Variants in ZHX2 observed in about 807,000 individuals in gnomAD.
ZHX2 encodes zinc fingers and homeoboxes 2.
A neutral mutation model predicts 21.9 loss-of-function variants in ZHX2; 6 were observed. That is an observed-to-expected ratio of 0.27 (90% CI 0.15 to 0.54). The LOEUF (loss-of-function observed/expected upper bound fraction) is 0.54, where lower values mean the gene tolerates loss of function less well. ZHX2 is among the 20% of genes least tolerant of loss of function. The probability of loss-of-function intolerance (pLI) is 0.95; values close to 1 mark genes in which losing one functional copy is unlikely to be tolerated. For synonymous variants in ZHX2, 434 were observed against 437.1 expected, an observed-to-expected ratio of 0.99 and a Z score of 0.09; for missense variants, 908 against 1,090.7, an observed-to-expected ratio of 0.83 and a Z score of 2.36.
chr8:122,835,736 A>C (rs1436775153), intron 1 of ZHX2, among the ~76,000 whole-genome samples: 1 of 152,200 alleles, frequency 6.6e-6, no homozygotes, highest in Non-Finnish European at 1.5e-5. Context: ...AACAGGTAAG[A>C]AAGAATTGCA....
At chr8:122,861,567 G>A (rs531456420) in intron 1 of ZHX2, among the ~76,000 whole-genome samples, 36 of 152,244 alleles carry the variant, frequency 2.4e-4, no homozygotes, top group East Asian at 5.8e-4. Context: ...TGGAGCAAGA[G>A]CATATGGAGT....
chr8:122,869,413 C>T (rs772322216), intron 2 of ZHX2, among the ~76,000 whole-genome samples: 5 of 152,008 alleles, frequency 3.3e-5, no homozygotes, highest in African/African-American at 7.2e-5. Flanking sequence ...CTGCAACCTC[C>T]GCCTCCTGGA....
chr8:122,952,750 G>T lies in ZHX2; in HGVS notation c.1240G>T (p.Ala414Ser). 6.2e-7 allele frequency: 1 copy of T among 1,614,066 alleles called. No individual in the cohort carries two copies. The highest frequency in any genetic ancestry group is 8.5e-7 in the Non-Finnish European group (1 of 1,180,008). The change falls in exon 3 of 4, where the codon GCT (alanine) becomes TCT (serine). Residue 414 changes from alanine to serine, a missense_variant. Transcript: ENST00000314393. This position sits in a 1 kb window ranked among gnomAD's most constrained non-coding sequence, Gnocchi z 6.9. Reference protein sequence around the residue: ...GQKRPLVTPQAAPEPKRPHIA... With the variant: ...GQKRPLVTPQSAPEPKRPHIA... ...GAAGAGACCCTTGGTGACTCCCCAA[G>T]CTGCCCCCGAACCCAAGCGTCCACA...
chr8:122,838,929 GTATA>G (rs1818565006), intron 1 of ZHX2, among the ~76,000 whole-genome samples: 1 of 152,010 alleles, frequency 6.6e-6, no homozygotes, highest in African/African-American at 2.4e-5. Flanking sequence ...GATTCATACT[GTATA>G]TATAGTTTTT....
chr8:122,870,706 G>C (rs1819412548), intron 2 of ZHX2, among the ~76,000 whole-genome samples: 2 of 150,690 alleles, frequency 1.3e-5, no homozygotes, highest in Admixed American at 1.3e-4. Context: ...AGATGGCACT[G>C]CAGGTAGGAG....
chr8:122,831,611 A>T (rs2130675376), intron 1 of ZHX2, among the ~76,000 whole-genome samples: 1 of 152,258 alleles, frequency 6.6e-6, no homozygotes, highest in African/African-American at 2.4e-5. Flanking sequence ...TTGTAGGGCC[A>T]CTTGTTTGGC....
At chr8:122,837,818 T>C (rs118111848) in intron 1 of ZHX2, among the ~76,000 whole-genome samples, 1 of 152,356 alleles carries the variant, frequency 6.6e-6, no homozygotes, top group East Asian at 1.9e-4. Flanking sequence ...TAATGGCTTT[T>C]AGTAGAGTTA....
Position 122,936,771 on chromosome 8 carries a change from G to C in ZHX2, c.-219-14521G>C, listed in dbSNP as rs74694897. Among the ~76,000 whole-genome samples, 1,046 of 152,280 alleles carry C rather than the reference G, an allele frequency of 6.9e-3. 8 individuals are homozygous for C. The highest frequency in any genetic ancestry group is 0.022 in the African/African-American group (907 of 41,558). On this transcript the variant is annotated intron_variant, in intron 2 of 3. Coordinates refer to ENST00000314393, the MANE Select transcript of ZHX2 (RefSeq NM_014943.5). ...ACTCAGCCTTCAGCTCAGCGCCCAG[G>C]CATGCTCTCCTCCGTCGTGGCGAGA... is the stretch of plus-strand genomic sequence containing the variant.
intron 2 of ZHX2, among the ~76,000 whole-genome samples, chr8:122,946,158 C>A (rs758303397): frequency 1.3e-5 from 2 of 152,138 alleles, no homozygotes; most frequent in Non-Finnish European, 2.9e-5. Flanking sequence ...TTTTTGCCAA[C>A]TTTGACCCAG....
chr8:122,866,196 A>G (rs1052095257), intron 2 of ZHX2, among the ~76,000 whole-genome samples: 1 of 152,228 alleles, frequency 6.6e-6, no homozygotes. Flanking sequence ...ACCCCAGCTT[A>G]GGTAGTGTGG....
chr8:122,943,035 G>A (rs529957214), intron 2 of ZHX2, among the ~76,000 whole-genome samples: 26 of 152,280 alleles, frequency 1.7e-4, no homozygotes, highest in Admixed American at 3.9e-4. Flanking sequence ...GCTGAGGTGG[G>A]TGGATCACCT....
intron 2 of ZHX2, among the ~76,000 whole-genome samples, chr8:122,924,186 A>T (rs552499449): frequency 3.3e-5 from 5 of 152,140 alleles, no homozygotes; most frequent in African/African-American, 7.2e-5. Context: ...TCCAACGCTG[A>T]GGTCAACAGG....
At chr8:122,921,177 G>C (rs1421730582) in intron 2 of ZHX2, among the ~76,000 whole-genome samples, 1 of 152,080 alleles carries the variant, frequency 6.6e-6, no homozygotes, top group Non-Finnish European at 1.5e-5. Context: ...TGCCTCCCAG[G>C]TTCAAGTGAT....
chr8:122,912,854 A>G (rs996122948), intron 2 of ZHX2, among the ~76,000 whole-genome samples: 2 of 152,098 alleles, frequency 1.3e-5, no homozygotes, highest in East Asian at 1.9e-4. Context: ...ATTTAGATTT[A>G]AGAAAAAGAA....
At chr8:122,884,251 T>C (rs2129809756) in intron 2 of ZHX2, among the ~76,000 whole-genome samples, 1 of 152,386 alleles carries the variant, frequency 6.6e-6, no homozygotes, top group Middle Eastern at 3.4e-3. Flanking sequence ...AGTGCTGTTA[T>C]GTGGGGCATG....
chr8:122,967,360 C>T (rs567875490), intron 3 of ZHX2, among the ~76,000 whole-genome samples: 1 of 152,292 alleles, frequency 6.6e-6, no homozygotes, highest in South Asian at 2.1e-4. Context: ...GTGTTGCTCT[C>T]CCCCTTTCTC....
intron 1 of ZHX2, among the ~76,000 whole-genome samples, chr8:122,809,602 T>C (rs1458913234): frequency 6.6e-6 from 1 of 151,906 alleles, no homozygotes. Context: ...CCCACGCTGG[T>C]ATTTAGTTAT....
intron 1 of ZHX2, among the ~76,000 whole-genome samples, chr8:122,826,375 G>A (rs1362476167): frequency 1.3e-5 from 2 of 152,100 alleles, no homozygotes; most frequent in Admixed American, 1.3e-4. Context: ...TGTACCAGGC[G>A]GGGGCATATT....
chr8:122,811,340 C>G (rs2130607165), intron 1 of ZHX2, among the ~76,000 whole-genome samples: 1 of 152,284 alleles, frequency 6.6e-6, no homozygotes, highest in East Asian at 1.9e-4. Context: ...GAGACTGCAC[C>G]ACTGCACTCC....
Sources: gnomAD v4.1 joint callset for allele counts (sites outside exome capture counted in the v4.1 genomes callset) on GRCh38, gnomAD v4.1.1 for gene constraint, Gnocchi (gnomAD v3.1) non-coding constraint, MANE v1.5 for transcripts, NCBI Gene and HGNC (gene_info 2026-07-23, HGNC 2026-07-21) for gene names.